The following SAMD4A variants were observed in gnomAD, a reference collection of about 807,000 sequenced individuals.
SAMD4A encodes sterile alpha motif domain containing 4A, also known as protein Smaug homolog 1.
SAMD4A carries 33 observed loss-of-function variants against 81.3 expected under a neutral mutation model. The observed-to-expected ratio is 0.41, with a 90% CI of 0.31 to 0.54. The LOEUF (loss-of-function observed/expected upper bound fraction) is 0.54, where lower values mean the gene tolerates loss of function less well. Ranked by LOEUF, SAMD4A falls within the 20% of genes least tolerant of loss-of-function variation. The pLI, the probability that SAMD4A is intolerant of heterozygous loss-of-function variation, is 0.37. For missense variants in SAMD4A, 854 were observed against 951.1 expected (o/e 0.90, Z 1.34); for synonymous variants, 389 against 382.1 (o/e 1.02, Z -0.21).
At chr14:54,611,593 G>T (rs1433978498) in intron 2 of SAMD4A, among the ~76,000 whole-genome samples, 1 of 152,144 alleles carries the variant, frequency 6.6e-6, no homozygotes, top group Non-Finnish European at 1.5e-5. Flanking sequence ...TAAGCCAGTT[G>T]GGGCCAGGCG....
At position 54,760,243 on chromosome 14, in the gene SAMD4A, C is replaced by A. The variant is rs1334198363; in HGVS notation, c.1259C>A (p.Ser420Tyr). ...MILTPIKAYS[S>Y]PSTTPEARRR... The stretch of plus-strand genomic sequence containing the variant: ...CTGACTCCGATCAAGGCCTACAGCT[C>A]CCCGAGCACCACCCCCGAGGCTCGC... Residue 420 changes from serine (S) to tyrosine (Y), a missense_variant, in exon 7 of 13, where the codon TCC becomes TAC. Ser to Tyr is a moderately radical substitution (Grantham distance 144). Coordinates refer to ENST00000554335, the MANE Select transcript of SAMD4A (RefSeq NM_015589.6). 1 of 1,613,302 alleles carries A rather than the reference C, an allele frequency of 6.2e-7. No homozygotes were observed. Among genetic ancestry groups the A allele is most frequent in the Non-Finnish European group, 8.5e-7 (1 of 1,179,914 alleles).
chr14:54,740,143 C>T (rs2037810023), intron 4 of SAMD4A, among the ~76,000 whole-genome samples: 2 of 152,306 alleles, frequency 1.3e-5, no homozygotes, highest in Non-Finnish European at 2.9e-5. Flanking sequence ...GCACTCCAGC[C>T]TGGGCAACAG....
chr14:54,678,752 G>T (rs527301280), intron 2 of SAMD4A, among the ~76,000 whole-genome samples: 3 of 152,050 alleles, frequency 2.0e-5, no homozygotes, highest in Non-Finnish European at 4.4e-5. Context: ...GTTTCACCGT[G>T]TTAGCCAGGA....
rs555576011 is a variant in SAMD4A at position 54,770,573 on chromosome 14, G to C, written c.1715+351G>C. ...AGGGGGATCTGAAAGGATAAAAATG[G>C]GTTGTTCTATCAATCAGCACCTTAA... On this transcript the variant is annotated intron_variant, in intron 9 of 12. Transcript: ENST00000554335. 6.6e-5 allele frequency among the ~76,000 whole-genome samples: 10 copies of C among 152,178 alleles called. 1 individual carries two copies. In the South Asian group the frequency reaches 2.1e-3, roughly 32 times the overall value.
At chr14:54,709,404 A>G (rs1224078334) in intron 3 of SAMD4A, among the ~76,000 whole-genome samples, 2 of 151,856 alleles carry the variant, frequency 1.3e-5, no homozygotes, top group African/African-American at 2.4e-5. Context: ...TCCTAATCTA[A>G]TGAGAATCTA....
intron 2 of SAMD4A, chr14:54,693,154 T>C (rs1204162070): frequency 1.3e-5 from 2 of 152,062 alleles, no homozygotes; most frequent in South Asian, 2.1e-4. Context: ...ACTTTGAAAA[T>C]TGAGCTAATC....
At chr14:54,637,298 G>A (rs1310381512) in intron 2 of SAMD4A, among the ~76,000 whole-genome samples, 3 of 147,170 alleles carry the variant, frequency 2.0e-5, no homozygotes, top group Non-Finnish European at 3.0e-5. Context: ...CCGGGAGGTG[G>A]AGGTTTCAGT....
At chr14:54,700,139 A>T (rs2036676571) in intron 2 of SAMD4A, among the ~76,000 whole-genome samples, 1 of 152,176 alleles carries the variant, frequency 6.6e-6, no homozygotes, top group Admixed American at 6.5e-5. Context: ...TTGCTCTAAC[A>T]TGATTCCAGC....
chr14:54,719,465 G>A (rs1342927090), intron 3 of SAMD4A, among the ~76,000 whole-genome samples: 1 of 152,090 alleles, frequency 6.6e-6, no homozygotes, highest in East Asian at 1.9e-4. Flanking sequence ...CAATGGAGGC[G>A]GCCTGGTTTC....
chr14:54,765,843 C>T (rs1195778627), intron 8 of SAMD4A, among the ~76,000 whole-genome samples: 1 of 152,190 alleles, frequency 6.6e-6, no homozygotes, highest in African/African-American at 2.4e-5. Flanking sequence ...CCACACTTCA[C>T]ATACAAGGGT....
At chr14:54,758,762 G>A (rs546209037) in intron 6 of SAMD4A, among the ~76,000 whole-genome samples, 54 of 152,262 alleles carry the variant, frequency 3.5e-4, no homozygotes, top group Admixed American at 1.2e-3. Flanking sequence ...CCTAGGAGGC[G>A]GAGGTTGCAG....
At chr14:54,650,670 C>G (rs1222938223) in intron 2 of SAMD4A, among the ~76,000 whole-genome samples, 2 of 152,194 alleles carry the variant, frequency 1.3e-5, no homozygotes, top group Non-Finnish European at 2.9e-5. Context: ...AGTTCCATCC[C>G]GTGATAGTGC....
chr14:54,638,179 A>G (rs931087231), intron 2 of SAMD4A, among the ~76,000 whole-genome samples: 1 of 152,210 alleles, frequency 6.6e-6, no homozygotes, highest in African/African-American at 2.4e-5. Flanking sequence ...TTGCTTAAGC[A>G]AGTCACACAG....
chr14:54,770,375 G>A (rs1035801409), intron 9 of SAMD4A, among the ~76,000 whole-genome samples, 153 bp downstream of exon 9: 3 of 152,236 alleles, frequency 2.0e-5, no homozygotes, highest in African/African-American at 7.2e-5. Context: ...TTAAACAGGT[G>A]GGGCTGGGAA....
At chr14:54,680,106 G>C (rs1257890181) in intron 2 of SAMD4A, among the ~76,000 whole-genome samples, 1 of 152,180 alleles carries the variant, frequency 6.6e-6, no homozygotes, top group Non-Finnish European at 1.5e-5. Flanking sequence ...TTCCCTTGTT[G>C]TGTCTGTTGG....
intron 2 of SAMD4A, among the ~76,000 whole-genome samples, chr14:54,629,236 G>C (rs56294338): frequency 6.6e-6 from 1 of 152,108 alleles, no homozygotes; most frequent in African/African-American, 2.4e-5. Context: ...ACCACCAGAA[G>C]CTTGGAAGAG....
At chr14:54,628,513 G>C (rs969279751) in intron 2 of SAMD4A, among the ~76,000 whole-genome samples, 3 of 152,166 alleles carry the variant, frequency 2.0e-5, no homozygotes, top group African/African-American at 7.2e-5. Context: ...ATGGAAATAG[G>C]CCTTCAGTAG....
chr14:54,712,624 A>G (rs1414590536), intron 3 of SAMD4A, among the ~76,000 whole-genome samples: 3 of 152,046 alleles, frequency 2.0e-5, no homozygotes, highest in Non-Finnish European at 4.4e-5. Flanking sequence ...CATCATGCCT[A>G]GTGTCTGTTT....
chr14:54,566,680 C>G (rs995570188), upstream of SAMD4A, among the ~76,000 whole-genome samples: 3 of 151,626 alleles, frequency 2.0e-5, no homozygotes, highest in Non-Finnish European at 4.4e-5. Context: ...CGGCCTGCGA[C>G]GCGCGGGCGA....
Sources: allele counts gnomAD v4.1 joint callset (sites outside exome capture counted in the v4.1 genomes callset), GRCh38; gene constraint gnomAD v4.1.1; transcripts MANE v1.5; gene names NCBI Gene and HGNC (gene_info 2026-07-23, HGNC 2026-07-21).